Variants in RIMS4 observed in about 807,000 individuals in gnomAD.
The protein encoded by RIMS4 is regulating synaptic membrane exocytosis protein 4.
A neutral mutation model predicts 29.0 loss-of-function variants in RIMS4; 9 were observed. The ratio of observed to expected loss-of-function variants is 0.31; its 90% CI spans 0.19 to 0.54. The LOEUF is 0.54. Ranked by LOEUF, RIMS4 falls within the 20% of genes least tolerant of loss-of-function variation. RIMS4 has a pLI of 0.94. For missense variants in RIMS4, 193 were observed against 365.7 expected, an observed-to-expected ratio of 0.53 and a Z score of 3.85; for synonymous variants, 130 against 152.9, an observed-to-expected ratio of 0.85 and a Z score of 1.10.
chr20:44,757,963 T>C (rs1051660447), intron 3 of RIMS4, 109 bp downstream of exon 3: 13 of 980,712 alleles, frequency 1.3e-5, no homozygotes, highest in Non-Finnish European at 1.9e-5. Context: ...CTAGGCGGCA[T>C]GCGCAGAGGA....
At chr20:44,791,946 G>A (rs8118021) in intron 1 of RIMS4, among the ~76,000 whole-genome samples, 4,180 of 152,038 alleles carry the variant, frequency 0.027, 187 homozygotes, top group African/African-American at 0.094. Context: ...CCACTGAGAC[G>A]TAAATAAACC....
chr20:44,763,046 A>G (rs2066092998), intron 2 of RIMS4, among the ~76,000 whole-genome samples: 2 of 152,246 alleles, frequency 1.3e-5, no homozygotes, highest in African/African-American at 2.4e-5. Flanking sequence ...GCACAGGGGT[A>G]TAAAAGAGCT....
chr20:44,757,058 G>A (rs751079359), intron 4 of RIMS4, 21 bp from the exon 5 acceptor site: 1 of 1,610,394 alleles, frequency 6.2e-7, no homozygotes, highest in Admixed American at 1.7e-5. Context: ...AGGCCAGCAG[G>A]GGTGAGTTCT....
At chr20:44,762,378 C>T (rs1389132499) in intron 2 of RIMS4, among the ~76,000 whole-genome samples, 2 of 152,156 alleles carry the variant, frequency 1.3e-5, no homozygotes, top group Admixed American at 1.3e-4. Context: ...ACCCTACCCT[C>T]CCAGCCATCT....
chr20:44,806,669 G>A (rs933933693), intron 1 of RIMS4, among the ~76,000 whole-genome samples: 3 of 152,194 alleles, frequency 2.0e-5, no homozygotes, highest in Admixed American at 1.3e-4. Flanking sequence ...CTAACATGTA[G>A]TGAGAGCCTA....
rs935058630 is a variant in RIMS4, at chr20:44,756,773, C to T, written c.591+125G>A. ...TTCAGCCACAGTGAACTGAGGGCCT[C>T]GCCTGTTTCCTCCAGGCGAGGCCCT... On this transcript the variant is annotated intron_variant, in intron 5 of 5. Coordinates refer to ENST00000372851, the MANE Select transcript of RIMS4 (RefSeq NM_182970.4). This position sits in a 1 kb window ranked among gnomAD's most constrained non-coding sequence, Gnocchi z 5.9. The T allele has an allele frequency of 7.3e-6, 6 of 821,164 alleles. 1 individual carries two copies. In the Admixed American group the frequency reaches 1.0e-4, roughly 14 times the overall value. 50.9% of individuals were successfully genotyped at this position (821,164 alleles called of 1,614,324 possible).
In RIMS4 at chr20:44,802,832, ACCACACTGGTCTGTCATCTCTAG is replaced by A. The variant is rs1436384513; in HGVS notation, c.97+7320_97+7342del. 8.5e-5 allele frequency among the ~76,000 whole-genome samples: 13 copies of A among 152,140 alleles called. No homozygotes were observed. In the East Asian group the frequency reaches 1.2e-3, roughly 14 times the overall value. ...CCCCTTCTCTGATCTTGTCTCTCTA[ACCACACTGGTCTGTCATCTCTAG>A]CCACACTGGTCTGCTTTCTATTCCC... On this transcript the variant is annotated intron_variant, in intron 1 of 5. Transcript: ENST00000372851.
chr20:44,759,425 T>C (rs1165824470), intron 2 of RIMS4, among the ~76,000 whole-genome samples: 1 of 151,970 alleles, frequency 6.6e-6, no homozygotes, highest in Non-Finnish European at 1.5e-5. Context: ...GCCCGGCCAA[T>C]TTTTGTGTTT....
At chr20:44,764,193 T>TCCAC (rs2066102120) in intron 2 of RIMS4, among the ~76,000 whole-genome samples, 2 of 59,194 alleles carry the variant, frequency 3.4e-5, no homozygotes, top group African/African-American at 1.2e-4. Context: ...CATCCATTTA[T>TCCAC]CCATCCATCC....
intron 1 of RIMS4, among the ~76,000 whole-genome samples, chr20:44,779,720 T>C (rs1177472606): frequency 6.6e-6 from 1 of 152,248 alleles, no homozygotes; most frequent in Non-Finnish European, 1.5e-5. Context: ...TTCTTGTATG[T>C]GTCTTTTGGT....
rs76264729 is a variant in RIMS4, at chr20:44,786,215, C to T, written c.98-14802G>A. The stretch of plus-strand genomic sequence containing the variant: ...ATTTTTAACTCCAAGGACAGCAGCT[C>T]AGGCAGAAGCTGAAATATGGAAGGG... On this transcript the variant is annotated intron_variant, in intron 1 of 5. Transcript: ENST00000372851. 2.6e-5 allele frequency among the ~76,000 whole-genome samples: 4 copies of T among 152,308 alleles called. No individual in the cohort carries two copies. The East Asian group carries it at 7.7e-4, about 29-fold the overall frequency.
In RIMS4 at chr20:44,775,440, A is replaced by G. The variant is rs1252266331; in HGVS notation, c.98-4027T>C. Among the ~76,000 whole-genome samples, 4 of 152,154 alleles carry G rather than the reference A, an allele frequency of 2.6e-5. No homozygotes were observed. In the East Asian group the frequency reaches 7.7e-4, roughly 29 times the overall value. Reference sequence around the variant, plus strand: ...ATGTTGCCCCCACACAGGCAGAGCTAGAAGTGTCTGGAAATGTATGACCCT... The same window carrying G: ...ATGTTGCCCCCACACAGGCAGAGCTGGAAGTGTCTGGAAATGTATGACCCT... On this transcript the variant is annotated intron_variant, in intron 1 of 5. Coordinates refer to ENST00000372851, the MANE Select transcript of RIMS4 (RefSeq NM_182970.4).
At chr20:44,793,890 C>T (rs112137537) in intron 1 of RIMS4, among the ~76,000 whole-genome samples, 14,830 of 152,008 alleles carry the variant, frequency 0.098, 1,193 homozygotes, top group African/African-American at 0.22. Flanking sequence ...GGCAACATAG[C>T]GAGATTCTGT....
chr20:44,766,179 T>C (rs555169432), intron 2 of RIMS4, among the ~76,000 whole-genome samples: 8 of 152,204 alleles, frequency 5.3e-5, no homozygotes, highest in South Asian at 2.1e-4. Context: ...AGGACAGACA[T>C]TGCTAATCAA....
chr20:44,799,833 C>A (rs1286945305), intron 1 of RIMS4, among the ~76,000 whole-genome samples: 1 of 152,168 alleles, frequency 6.6e-6, no homozygotes, highest in Non-Finnish European at 1.5e-5. Context: ...GCTCTCTGGG[C>A]CTCAACTAAG....
rs1250674246 is a variant in RIMS4 at position 44,779,605 on chromosome 20, A to G, written c.98-8192T>C. On this transcript the variant is annotated intron_variant, in intron 1 of 5. Transcript: ENST00000372851. Reference sequence around the variant, plus strand: ...TCATTCTCATGACTTATTGTAGTACATTGTGTGAATATATCAAAATAATTT... The same window carrying G: ...TCATTCTCATGACTTATTGTAGTACGTTGTGTGAATATATCAAAATAATTT... Among the ~76,000 whole-genome samples the G allele has an allele frequency of 2.6e-5, 4 of 152,062 alleles. No homozygotes were observed. The East Asian group carries it at 7.7e-4, about 29-fold the overall frequency.
At chr20:44,790,423 C>A (rs1168840827) in intron 1 of RIMS4, among the ~76,000 whole-genome samples, 1 of 152,198 alleles carries the variant, frequency 6.6e-6, no homozygotes, top group Non-Finnish European at 1.5e-5. Context: ...GGCTCCTCTA[C>A]CCTCCTTCCA....
At chr20:44,777,638 G>A (rs975581620) in intron 1 of RIMS4, among the ~76,000 whole-genome samples, 3 of 152,126 alleles carry the variant, frequency 2.0e-5, no homozygotes, top group African/African-American at 4.8e-5. Flanking sequence ...TCTTAACCAC[G>A]AGACCTCAGG....
At chr20:44,805,453 A>G (rs770157480) in intron 1 of RIMS4, among the ~76,000 whole-genome samples, 15 of 152,254 alleles carry the variant, frequency 9.9e-5, no homozygotes, top group Non-Finnish European at 2.2e-4. Flanking sequence ...CTCTGAAAAC[A>G]TTAAGAAAAT....
Sources: allele counts gnomAD v4.1 joint callset (sites outside exome capture counted in the v4.1 genomes callset), GRCh38; gene constraint gnomAD v4.1.1; non-coding constraint Gnocchi (gnomAD v3.1); transcripts MANE v1.5; gene names NCBI Gene and HGNC (gene_info 2026-07-23, HGNC 2026-07-21).